HLCS: variants seen among roughly 807,000 people sequenced by gnomAD.
HLCS encodes the protein holocarboxylase synthetase.
Under a neutral mutation model 75.0 loss-of-function variants are expected in HLCS, and 53 were observed. The ratio of observed to expected loss-of-function variants is 0.71; its 90% CI spans 0.57 to 0.89. HLCS has a LOEUF of 0.89. Ranked by LOEUF, HLCS falls within the 40% of genes least tolerant of loss-of-function variation. The pLI, the probability that HLCS is intolerant of heterozygous loss-of-function variation, is 0.00. For missense variants in HLCS, 966 were observed against 1,074.0 expected (o/e 0.90, Z 1.41); for synonymous variants, 431 against 428.6 (o/e 1.01, Z -0.07).
At chr21:36,780,638 T>G (rs1231308291) in intron 6 of HLCS, among the ~76,000 whole-genome samples, 1 of 152,160 alleles carries the variant, frequency 6.6e-6, no homozygotes, top group Non-Finnish European at 1.5e-5. Context: ...TGAACACTCT[T>G]ATTCGCATGG....
chr21:36,910,487 A>G (rs944104775), intron 5 of HLCS, among the ~76,000 whole-genome samples: 5 of 151,678 alleles, frequency 3.3e-5, no homozygotes, highest in Admixed American at 3.3e-4. Context: ...TGGAGGGTGC[A>G]GTGAGCAGAG....
chr21:36,944,090 T>A (rs1433780658), intron 2 of HLCS: 1 of 152,224 alleles, frequency 6.6e-6, no homozygotes, highest in Non-Finnish European at 1.5e-5. Flanking sequence ...GCTTCCATTT[T>A]AATTCTTTTG....
chr21:36,895,256 T>A (rs1374777720), intron 6 of HLCS, among the ~76,000 whole-genome samples: 1 of 152,372 alleles, frequency 6.6e-6, no homozygotes, highest in South Asian at 2.1e-4. Context: ...CTCATTTTTT[T>A]ATTCAGAAAA....
At chr21:36,772,461 AC>A (rs1390754801) in intron 6 of HLCS, among the ~76,000 whole-genome samples, 2 of 151,572 alleles carry the variant, frequency 1.3e-5, no homozygotes, top group South Asian at 4.2e-4. Flanking sequence ...ACATGGCAAA[AC>A]CCCATGTCTA....
At chr21:36,865,368 A>C (rs950060056) in intron 6 of HLCS, among the ~76,000 whole-genome samples, 1 of 152,120 alleles carries the variant, frequency 6.6e-6, no homozygotes, top group Admixed American at 6.5e-5. Context: ...GACCCCGAGA[A>C]AGGAGATGCA....
intron 6 of HLCS, among the ~76,000 whole-genome samples, chr21:36,802,274 C>T (rs993360873): frequency 1.1e-4 from 16 of 152,150 alleles, no homozygotes; most frequent in Non-Finnish European, 1.6e-4. Flanking sequence ...GTGGGAGAAT[C>T]TCATGGGCCA....
chr21:36,778,210 C>A (rs1249621873), intron 6 of HLCS, among the ~76,000 whole-genome samples: 1 of 152,068 alleles, frequency 6.6e-6, no homozygotes, highest in East Asian at 1.9e-4. Flanking sequence ...CCCTTGTGAT[C>A]CGCCCACCTC....
chr21:36,767,413 T>C (rs2090079608), intron 6 of HLCS, 128 bp from the exon 7 acceptor site: 1 of 827,818 alleles, frequency 1.2e-6, no homozygotes, highest in Non-Finnish European at 2.1e-6. Flanking sequence ...CAACTTTGGT[T>C]CCACTGGCCT....
intron 5 of HLCS, among the ~76,000 whole-genome samples, chr21:36,904,713 A>G (rs1011182857): frequency 1.3e-5 from 2 of 152,256 alleles, no homozygotes; most frequent in African/African-American, 2.4e-5. Context: ...TACCAAAATT[A>G]CTATCTGTTT....
chr21:36,897,270 T>C (rs2065053248), intron 5 of HLCS, 139 bp from the exon 6 acceptor site: 2 of 794,570 alleles, frequency 2.5e-6, no homozygotes, highest in South Asian at 1.5e-5. Flanking sequence ...ACATATTCCA[T>C]ACATCTAAAC....
rs2066943415 is a variant in HLCS at position 36,937,371 on chromosome 21, G to A, written c.515C>T (p.Thr172Ile). 2 of 1,613,652 alleles carry A rather than the reference G, an allele frequency of 1.2e-6. No individual in the cohort carries two copies. Among genetic ancestry groups the A allele is most frequent in the Admixed American group, 1.7e-5 (1 of 60,006 alleles). ...GACCTGATCCTTAACTTCCTTCAGA[G>A]TGGAGTCCTGCAAGTGCACCGCTAA... ...KIVSVHLQDS[T>I]LKEVKDQVSN... The change falls in exon 4 of 11, where the codon ACT becomes ATT. Residue 172 changes from threonine to isoleucine, a missense_variant. Physicochemically the swap from Thr to Ile is moderately conservative, Grantham distance 89. Transcript: ENST00000674895.
intron 6 of HLCS, among the ~76,000 whole-genome samples, chr21:36,769,733 T>C (rs1428558600): frequency 1.3e-5 from 2 of 152,222 alleles, no homozygotes; most frequent in East Asian, 3.8e-4. Context: ...CCTGACCACT[T>C]TGGTTACTAA....
At chr21:36,834,136 C>T (rs1028774883) in intron 6 of HLCS, among the ~76,000 whole-genome samples, 3 of 152,208 alleles carry the variant, frequency 2.0e-5, no homozygotes, top group African/African-American at 4.8e-5. Flanking sequence ...TGGCGTACGC[C>T]GGGGTCCTGG....
chr21:36,781,383 A>G (rs1164566376), intron 6 of HLCS, among the ~76,000 whole-genome samples: 1 of 152,124 alleles, frequency 6.6e-6, no homozygotes, highest in East Asian at 1.9e-4. Context: ...GCAAAGGATG[A>G]CTTACATTTG....
chr21:36,856,198 T>C (rs188283631), intron 6 of HLCS, among the ~76,000 whole-genome samples: 35 of 152,346 alleles, frequency 2.3e-4, no homozygotes, highest in Non-Finnish European at 3.5e-4. Context: ...ACCGAATTAA[T>C]TGTATGCTTT....
chr21:36,790,446 G>A (rs112388238), intron 6 of HLCS, among the ~76,000 whole-genome samples: 1,628 of 152,250 alleles, frequency 0.011, 15 homozygotes, highest in Non-Finnish European at 0.018. Context: ...TGGTGTGTGT[G>A]TTTGTTGGCT....
intron 6 of HLCS, among the ~76,000 whole-genome samples, chr21:36,889,691 G>A (rs752084582): frequency 3.9e-5 from 6 of 152,284 alleles, no homozygotes; most frequent in Admixed American, 6.5e-5. Context: ...GTAGCTGTGG[G>A]ATGTGAGCCT....
chr21:36,750,062 C>G lies in HLCS; in HGVS notation c.*4184G>C, dbSNP rs1287425037. On this transcript the variant is annotated 3_prime_UTR_variant, in exon 11 of 11. Coordinates refer to ENST00000674895, the MANE Select transcript of HLCS (RefSeq NM_001352514.2). ...CGAGCTGGCTTCAGGACGGCCAGGG[C>G]TGAGTGTGAAGTCAGCAGAGCTGTT... 4.6e-5 allele frequency: 7 copies of G among 152,226 alleles called. No homozygotes were observed. Among genetic ancestry groups the G allele is most frequent in the Admixed American group, 4.6e-4 (7 of 15,286 alleles). 9.4% of individuals were successfully genotyped at this position (152,226 alleles called of 1,614,324 possible). A position where few individuals can be genotyped will look rare whatever the true frequency, so the allele number is the denominator to read the frequency against.
chr21:36,881,125 A>G (rs2064195483), intron 6 of HLCS, among the ~76,000 whole-genome samples: 2 of 152,042 alleles, frequency 1.3e-5, no homozygotes, highest in South Asian at 4.1e-4. Context: ...GTGCACCACC[A>G]TGCCCGACTA....
Sources: gnomAD v4.1 joint callset for allele counts (sites outside exome capture counted in the v4.1 genomes callset) on GRCh38, gnomAD v4.1.1 for gene constraint, MANE v1.5 for transcripts, NCBI Gene and HGNC (gene_info 2026-07-23, HGNC 2026-07-21) for gene names.